The following CDH2 variants were observed in gnomAD, a reference collection of about 807,000 sequenced individuals.
CDH2 encodes cadherin-2.
Under a neutral mutation model 92.0 loss-of-function variants are expected in CDH2, and 17 were observed. That is an observed-to-expected ratio of 0.18 (90% CI 0.13 to 0.28). The LOEUF (loss-of-function observed/expected upper bound fraction) is 0.28. CDH2 is among the 10% of genes least tolerant of loss of function. The pLI is 1.00. For missense variants in CDH2, 862 were observed against 1,133.1 expected (o/e 0.76, Z 3.44); for synonymous variants, 419 against 415.9 (o/e 1.01, Z -0.09).
At chr18:28,054,692 C>T (rs143547664) in intron 2 of CDH2, among the ~76,000 whole-genome samples, 4 of 152,212 alleles carry the variant, frequency 2.6e-5, no homozygotes, top group East Asian at 3.9e-4. Context: ...ATGGAAGCCC[C>T]GAAAGACTTT....
chr18:28,056,553 CTTTA>C (rs941747526), intron 2 of CDH2, among the ~76,000 whole-genome samples: 12 of 151,990 alleles, frequency 7.9e-5, no homozygotes, highest in African/African-American at 2.4e-4. Context: ...ATGTAACTTT[CTTTA>C]TTTGTCTTTG....
chr18:28,084,628 C>A (rs1420410809), intron 2 of CDH2, among the ~76,000 whole-genome samples: 1 of 151,774 alleles, frequency 6.6e-6, no homozygotes, highest in Non-Finnish European at 1.5e-5. Context: ...TCAAAAGTAC[C>A]AGACTGCTCT....
chr18:28,015,946 G>C (rs1440530516), intron 2 of CDH2, among the ~76,000 whole-genome samples: 2 of 152,154 alleles, frequency 1.3e-5, no homozygotes, highest in Non-Finnish European at 2.9e-5. Flanking sequence ...TGGCGAGAGA[G>C]GCTGCAGTCA....
chr18:28,093,930 G>A (rs555949618), intron 2 of CDH2, among the ~76,000 whole-genome samples: 1 of 152,292 alleles, frequency 6.6e-6, no homozygotes. Flanking sequence ...GGGAAACAGC[G>A]GGGTGCCTGA....
chr18:28,017,576 T>G (rs895528374), intron 2 of CDH2, among the ~76,000 whole-genome samples: 2 of 152,126 alleles, frequency 1.3e-5, no homozygotes, highest in Non-Finnish European at 2.9e-5. Flanking sequence ...TTTGTTTCAT[T>G]TATCTTTTGT....
intron 7 of CDH2, among the ~76,000 whole-genome samples, chr18:27,999,851 G>A (rs2012710807): frequency 6.6e-6 from 1 of 151,888 alleles, no homozygotes; most frequent in South Asian, 2.1e-4. Flanking sequence ...CCGGGTGGAG[G>A]TAACTGAATC....
At chr18:28,134,937 G>T (rs1406923222) in intron 2 of CDH2, among the ~76,000 whole-genome samples, 1 of 152,120 alleles carries the variant, frequency 6.6e-6, no homozygotes, top group African/African-American at 2.4e-5. Flanking sequence ...TGCCCAAAAG[G>T]CTCGATCAGA....
chr18:28,016,318 A>C (rs2013244778), intron 2 of CDH2, among the ~76,000 whole-genome samples: 1 of 152,222 alleles, frequency 6.6e-6, no homozygotes, highest in African/African-American at 2.4e-5. Flanking sequence ...TGATGGTCAC[A>C]GGAACAGTAT....
At chr18:28,112,027 T>C (rs1167494268) in intron 2 of CDH2, among the ~76,000 whole-genome samples, 1 of 152,208 alleles carries the variant, frequency 6.6e-6, no homozygotes, top group Non-Finnish European at 1.5e-5. Flanking sequence ...AGTCTGACCT[T>C]AGCATTTAAG....
chr18:28,169,139 T>A (rs2016427963), intron 1 of CDH2, among the ~76,000 whole-genome samples: 1 of 152,246 alleles, frequency 6.6e-6, no homozygotes, highest in African/African-American at 2.4e-5. Context: ...TAACAGACAT[T>A]GGCTTGAAAA....
intron 2 of CDH2, among the ~76,000 whole-genome samples, chr18:28,140,713 T>C (rs925593300): frequency 6.6e-6 from 1 of 151,602 alleles, no homozygotes; most frequent in South Asian, 2.1e-4. Flanking sequence ...GATTTTGTTA[T>C]AGTAGTTCAA....
intron 6 of CDH2, among the ~76,000 whole-genome samples, chr18:27,939,607 C>A (rs1355223070): frequency 6.6e-6 from 1 of 152,186 alleles, no homozygotes; most frequent in Non-Finnish European, 1.5e-5. Context: ...CTTGAGCTCA[C>A]CTCTTTTCAC....
intron 2 of CDH2, among the ~76,000 whole-genome samples, chr18:28,047,574 A>T (rs372788335): frequency 2.9e-4 from 44 of 152,266 alleles, no homozygotes; most frequent in African/African-American, 1.0e-3. Context: ...GCTTCCATAT[A>T]AAGAATGAAA....
chr18:28,070,279 C>A (rs1448243779), intron 2 of CDH2, among the ~76,000 whole-genome samples: 1 of 152,166 alleles, frequency 6.6e-6, no homozygotes, highest in Non-Finnish European at 1.5e-5. Flanking sequence ...CTACAACTAC[C>A]ACCTTTATAA....
intron 14 of CDH2, among the ~76,000 whole-genome samples, chr18:27,978,990 T>A (rs1490238068): frequency 4.0e-5 from 6 of 150,766 alleles, no homozygotes; most frequent in African/African-American, 1.2e-4. Context: ...GCACTAACCA[T>A]AATGGAAAAA....
At chr18:27,949,502 T>C (rs999565379), downstream of CDH2, among the ~76,000 whole-genome samples, 1 of 151,968 alleles carries the variant, frequency 6.6e-6, no homozygotes, top group African/African-American at 2.4e-5. Context: ...TATTATGGAA[T>C]AATATGTAGC....
chr18:27,943,290 GTT>G (rs1182982968), intron 6 of CDH2, among the ~76,000 whole-genome samples: 9 of 152,194 alleles, frequency 5.9e-5, no homozygotes. Flanking sequence ...GAGCTAGACA[GTT>G]GGGCTTAATA....
At chr18:28,040,840 G>A (rs2013934482) in intron 2 of CDH2, among the ~76,000 whole-genome samples, 1 of 152,140 alleles carries the variant, frequency 6.6e-6, no homozygotes, top group Admixed American at 6.5e-5. Flanking sequence ...ATTCTCACAT[G>A]GAAAGATCTT....
chr18:28,001,238 A>G (rs753912541), intron 7 of CDH2, among the ~76,000 whole-genome samples: 7 of 152,190 alleles, frequency 4.6e-5, no homozygotes, highest in Non-Finnish European at 1.0e-4. Context: ...TTCATCCTCT[A>G]AACGAAATAC....
Sources: allele counts gnomAD v4.1 joint callset (sites outside exome capture counted in the v4.1 genomes callset), GRCh38; gene constraint gnomAD v4.1.1; transcripts MANE v1.5; gene names NCBI Gene and HGNC (gene_info 2026-07-23, HGNC 2026-07-21).